PDE5A: variants seen among roughly 807,000 people sequenced by gnomAD.
The protein encoded by PDE5A is phosphodiesterase 5A, also known as cGMP-specific 3',5'-cyclic phosphodiesterase.
A neutral mutation model predicts 110.2 loss-of-function variants in PDE5A; 67 were observed. The observed-to-expected ratio is 0.61, with a 90% CI of 0.50 to 0.75. The LOEUF (loss-of-function observed/expected upper bound fraction) is 0.75, where lower values mean the gene tolerates loss of function less well. Ranked by LOEUF, PDE5A falls within the 30% of genes least tolerant of loss-of-function variation. The pLI, the probability that PDE5A is intolerant of heterozygous loss-of-function variation, is 0.00. For synonymous variants in PDE5A, 328 were observed against 351.2 expected, an observed-to-expected ratio of 0.93 and a Z score of 0.74; for missense variants, 862 against 1,045.1, an observed-to-expected ratio of 0.82 and a Z score of 2.42.
chr4:119,596,712 C>T lies in PDE5A; in HGVS notation c.742-100G>A, dbSNP rs961172211. The T allele has an allele frequency of 4.3e-5, 24 of 559,892 alleles. No individual in the cohort carries two copies. In the Admixed American group the frequency reaches 7.9e-4, roughly 18 times the overall value. 34.7% of individuals were successfully genotyped at this position (559,892 alleles called of 1,614,324 possible). A position where few individuals can be genotyped will look rare whatever the true frequency, so the allele number is the denominator to read the frequency against. ...TTAGAGAAATCTAACCTTGGACTTA[C>T]CTTGTTACTCTGAGTAACAATTTTA... On this transcript the variant is annotated intron_variant, in intron 2 of 20. Coordinates refer to ENST00000354960, the MANE Select transcript of PDE5A (RefSeq NM_001083.4).
chr4:119,504,777 G>A (rs776795643), intron 17 of PDE5A, among the ~76,000 whole-genome samples, 178 bp from the exon 18 acceptor site: 3 of 152,030 alleles, frequency 2.0e-5, no homozygotes, highest in East Asian at 1.9e-4. Flanking sequence ...ATTGATAACA[G>A]AGCATCATTG....
intron 14 of PDE5A, among the ~76,000 whole-genome samples, chr4:119,516,050 C>G (rs1725898095): frequency 6.6e-6 from 1 of 152,174 alleles, no homozygotes; most frequent in Admixed American, 6.5e-5. Flanking sequence ...TAGCCATCAC[C>G]ACTATTCCAA....
Position 119,498,411 on chromosome 4 carries a change from T to C in PDE5A, c.*190A>G. On this transcript the variant is annotated 3_prime_UTR_variant, in exon 21 of 21. Coordinates refer to ENST00000354960, the MANE Select transcript of PDE5A (RefSeq NM_001083.4). ...TTTCAGTTCAGTAGCATAAAACAAA[T>C]ATACAAAAAATATGTAATAGTCCTC... 1 of 575,706 alleles carries C rather than the reference T, an allele frequency of 1.7e-6. No individual in the cohort carries two copies. The highest frequency in any genetic ancestry group is 2.5e-5 in the South Asian group (1 of 39,354). 35.7% of individuals were successfully genotyped at this position (575,706 alleles called of 1,614,324 possible). A position where few individuals can be genotyped will look rare whatever the true frequency, so the allele number is the denominator to read the frequency against.
chr4:119,547,969 T>C (rs2110491845), intron 9 of PDE5A, among the ~76,000 whole-genome samples: 1 of 152,176 alleles, frequency 6.6e-6, no homozygotes, highest in South Asian at 2.1e-4. Context: ...CTAATGTTTA[T>C]TTTTTCCTAT....
intron 20 of PDE5A, chr4:119,500,137 A>C (rs1578717432): frequency 6.6e-6 from 1 of 152,124 alleles, no homozygotes; most frequent in Non-Finnish European, 1.5e-5. Context: ...AAAGAATGAG[A>C]TGTCCAAGTG....
intron 1 of PDE5A, among the ~76,000 whole-genome samples, chr4:119,622,940 A>G (rs562489313): frequency 2.0e-5 from 3 of 151,978 alleles, no homozygotes; most frequent in African/African-American, 7.2e-5. Flanking sequence ...ATTCTTATAA[A>G]CTTAACACTC....
At chr4:119,594,696 T>C (rs139322441) in intron 3 of PDE5A, among the ~76,000 whole-genome samples, 28 of 152,330 alleles carry the variant, frequency 1.8e-4, no homozygotes, top group African/African-American at 4.8e-4. Context: ...TCATATTACG[T>C]CATTGCTGCA....
rs12108603 is a variant in PDE5A at position 119,597,257 on chromosome 4, C to A, written c.742-645G>T. 8.1e-3 allele frequency among the ~76,000 whole-genome samples: 1,227 copies of A among 151,144 alleles called. 9 individuals are homozygous for A. Among genetic ancestry groups the A allele is most frequent in the African/African-American group, 0.028 (1,173 of 41,282 alleles). On this transcript the variant is annotated intron_variant, in intron 2 of 20. Transcript: ENST00000354960. Reference sequence around the variant, plus strand: ...AAAGGTAAAGTTTAATTTTCCATTACACTTTAGATTGGGAAGATCTCAAAT... The same window carrying A: ...AAAGGTAAAGTTTAATTTTCCATTAAACTTTAGATTGGGAAGATCTCAAAT...
chr4:119,526,546 A>C (rs1726326028), intron 11 of PDE5A, among the ~76,000 whole-genome samples: 1 of 152,118 alleles, frequency 6.6e-6, no homozygotes, highest in Non-Finnish European at 1.5e-5. Flanking sequence ...TCAGGCTATT[A>C]ACTGGACCAA....
At chr4:119,625,421 A>C (rs986852362) in intron 1 of PDE5A, among the ~76,000 whole-genome samples, 7 of 152,204 alleles carry the variant, frequency 4.6e-5, no homozygotes, top group African/African-American at 1.4e-4. Flanking sequence ...AGAATTTAGG[A>C]ATGCCAGAAC....
chr4:119,549,554 A>G (rs1453656881), intron 9 of PDE5A: 1 of 152,148 alleles, frequency 6.6e-6, no homozygotes, highest in East Asian at 1.9e-4. Context: ...TAAAGTGGAG[A>G]TGTTCTAAGT....
intron 9 of PDE5A, among the ~76,000 whole-genome samples, chr4:119,552,226 T>G (rs1167463966): frequency 6.6e-6 from 1 of 152,090 alleles, no homozygotes; most frequent in South Asian, 2.1e-4. Context: ...TTAAAAAAAG[T>G]CAACATCCAG....
chr4:119,553,629 G>T lies in PDE5A; in HGVS notation c.1308+9C>A, dbSNP rs200908387. ...CTTCTAGCTTCAAGTCTAAAATTGG[G>T]TTACTTACTGTCCAGGGAAATCTTT... is the stretch of plus-strand genomic sequence containing the variant. On this transcript the variant is annotated intron_variant, in intron 8 of 20. Transcript: ENST00000354960. The T allele has an allele frequency of 7.3e-7, 1 of 1,378,024 alleles. No homozygotes were observed. The highest frequency in any genetic ancestry group is 1.0e-6 in the Non-Finnish European group (1 of 964,814). 85.4% of individuals were successfully genotyped at this position (1,378,024 alleles called of 1,614,324 possible).
At chr4:119,527,714 C>T (rs1288946526) in intron 11 of PDE5A, among the ~76,000 whole-genome samples, 1 of 151,168 alleles carries the variant, frequency 6.6e-6, no homozygotes, top group Non-Finnish European at 1.5e-5. Context: ...TTAGAATTAG[C>T]AAATTTAGAT....
intron 3 of PDE5A, among the ~76,000 whole-genome samples, chr4:119,590,897 A>G (rs1728940526): frequency 6.6e-6 from 1 of 152,232 alleles, no homozygotes; most frequent in Non-Finnish European, 1.5e-5. Flanking sequence ...GAAAGGTACC[A>G]GGATATTTTG....
At chr4:119,626,032 T>G (rs1325458803) in intron 1 of PDE5A, among the ~76,000 whole-genome samples, 1 of 152,206 alleles carries the variant, frequency 6.6e-6, no homozygotes, top group Non-Finnish European at 1.5e-5. Flanking sequence ...TACACTTTCA[T>G]TTTCCAACTT....
At chr4:119,621,548 C>T (rs1319652871) in intron 1 of PDE5A, among the ~76,000 whole-genome samples, 1 of 151,972 alleles carries the variant, frequency 6.6e-6, no homozygotes, top group African/African-American at 2.4e-5. Flanking sequence ...AATACATGAA[C>T]AAATGGATAC....
Position 119,553,719 on chromosome 4 carries a change from G to A in PDE5A, c.1227C>T (p.Tyr409=). Reference sequence around the variant, plus strand: ...TATTTTTGACATACTGAGCATACATGTAATTGATTTTGTTTGCATCATGTT... The same window carrying A: ...TATTTTTGACATACTGAGCATACATATAATTGATTTTGTTTGCATCATGTT... ...TREHDANKIN[Y]MYAQYVKNTM... The change falls in exon 8 of 21, where the codon TAC becomes TAT. Residue 409 remains tyrosine, a synonymous_variant. Transcript: ENST00000354960. 6.3e-7 allele frequency: 1 copy of A among 1,586,014 alleles called. No individual in the cohort carries two copies.
At chr4:119,564,069 TATAA>T (rs1416211141) in intron 5 of PDE5A, among the ~76,000 whole-genome samples, 1 of 151,520 alleles carries the variant, frequency 6.6e-6, no homozygotes, top group Non-Finnish European at 1.5e-5. Context: ...CAAAAGCAAA[TATAA>T]ATAATCTGAA....
Sources: allele counts gnomAD v4.1 joint callset (sites outside exome capture counted in the v4.1 genomes callset), GRCh38; gene constraint gnomAD v4.1.1; transcripts MANE v1.5; gene names NCBI Gene and HGNC (gene_info 2026-07-23, HGNC 2026-07-21).